RBFOX1: variants seen among roughly 807,000 people sequenced by gnomAD.
RBFOX1 encodes RNA binding fox-1 homolog 1.
Under a neutral mutation model 57.7 loss-of-function variants are expected in RBFOX1, and 8 were observed. The ratio of observed to expected loss-of-function variants is 0.14; its 90% CI spans 0.08 to 0.25. The LOEUF (loss-of-function observed/expected upper bound fraction) is 0.25, where lower values mean the gene tolerates loss of function less well. Ranked by LOEUF, RBFOX1 falls within the 10% of genes least tolerant of loss-of-function variation. The probability of loss-of-function intolerance (pLI) is 1.00; values close to 1 mark genes in which losing one functional copy is unlikely to be tolerated. For missense variants in RBFOX1, 611 were observed against 548.5 expected, an observed-to-expected ratio of 1.11 and a Z score of -1.14; for synonymous variants, 326 against 222.4, an observed-to-expected ratio of 1.47 and a Z score of -4.15.
At chr16:6,250,131 C>A (rs1345705004) in intron 1 of RBFOX1, among the ~76,000 whole-genome samples, 1 of 152,124 alleles carries the variant, frequency 6.6e-6, no homozygotes, top group African/African-American at 2.4e-5. Context: ...TTCTCTTCAC[C>A]CTGCTTACCT....
chr16:5,814,931 G>A (rs1395442711), intron 3 of RBFOX1, among the ~76,000 whole-genome samples: 3 of 151,078 alleles, frequency 2.0e-5, no homozygotes, highest in African/African-American at 4.9e-5. Context: ...GCGAGACTCC[G>A]TCTCAAAAAG....
chr16:6,070,210 C>A (rs1292024643), intron 1 of RBFOX1, among the ~76,000 whole-genome samples: 1 of 152,058 alleles, frequency 6.6e-6, no homozygotes, highest in African/African-American at 2.4e-5. Flanking sequence ...TGCCATCATC[C>A]CTGGGGAGAT....
intron 3 of RBFOX1, among the ~76,000 whole-genome samples, chr16:6,989,588 G>A (rs529339913): frequency 1.3e-5 from 2 of 152,294 alleles, no homozygotes; most frequent in African/African-American, 2.4e-5. Context: ...CAGCTGTGGA[G>A]AATGCAACCA....
chr16:5,660,452 C>T (rs1398898530), intron 3 of RBFOX1, among the ~76,000 whole-genome samples: 2 of 152,142 alleles, frequency 1.3e-5, no homozygotes, highest in Non-Finnish European at 2.9e-5. Flanking sequence ...TTGTCTCAGA[C>T]CTGTGATTTC....
chr16:7,114,540 A>G (rs1260986351), intron 4 of RBFOX1, among the ~76,000 whole-genome samples: 2 of 152,208 alleles, frequency 1.3e-5, no homozygotes, highest in African/African-American at 2.4e-5. Context: ...TGAAAGTGAC[A>G]CCATGAGCCT....
At chr16:6,870,326 G>C (rs2060650784) in intron 3 of RBFOX1, among the ~76,000 whole-genome samples, 1 of 152,140 alleles carries the variant, frequency 6.6e-6, no homozygotes, top group South Asian at 2.1e-4. Context: ...ATTCAGCACT[G>C]CTAGGAAACA....
chr16:6,734,084 A>G (rs2069411007), intron 3 of RBFOX1, among the ~76,000 whole-genome samples: 1 of 152,176 alleles, frequency 6.6e-6, no homozygotes, highest in Non-Finnish European at 1.5e-5. Flanking sequence ...CTGCCTGGGT[A>G]TGAAATTCCA....
chr16:6,228,683 G>T (rs59809529), intron 1 of RBFOX1, among the ~76,000 whole-genome samples: 2 of 151,898 alleles, frequency 1.3e-5, no homozygotes, highest in Non-Finnish European at 1.5e-5. Context: ...GTTGTTGGTC[G>T]GGTACAAAAT....
chr16:7,515,060 G>C (rs2076057843), intron 4 of RBFOX1, among the ~76,000 whole-genome samples: 1 of 152,126 alleles, frequency 6.6e-6, no homozygotes, highest in African/African-American at 2.4e-5. Flanking sequence ...AGGTTGGGGA[G>C]GCAGAAACAG....
At chr16:7,474,770 G>C (rs975273152) in intron 4 of RBFOX1, among the ~76,000 whole-genome samples, 9 of 152,144 alleles carry the variant, frequency 5.9e-5, no homozygotes, top group African/African-American at 1.9e-4. Context: ...AGAATGTCTG[G>C]TGAGGATTAG....
chr16:6,404,122 C>T (rs770799645), intron 2 of RBFOX1, among the ~76,000 whole-genome samples: 1 of 151,910 alleles, frequency 6.6e-6, no homozygotes, highest in Non-Finnish European at 1.5e-5. Context: ...AACCACAGAT[C>T]GAAAAAATAT....
chr16:7,153,611 G>T (rs12709178), intron 4 of RBFOX1, among the ~76,000 whole-genome samples: 22,149 of 151,470 alleles, frequency 0.15, 1,882 homozygotes, highest in East Asian at 0.33. Flanking sequence ...ATGGTGGTGG[G>T]GGGAGGGGGG....
intron 2 of RBFOX1, among the ~76,000 whole-genome samples, chr16:6,436,205 G>A (rs2094228172): frequency 6.6e-6 from 1 of 151,992 alleles, no homozygotes; most frequent in African/African-American, 2.4e-5. Flanking sequence ...TGCTTTAAGG[G>A]TGATATTGAC....
chr16:7,672,402 G>A (rs955559399), intron 13 of RBFOX1, among the ~76,000 whole-genome samples: 4 of 152,122 alleles, frequency 2.6e-5, no homozygotes, highest in Admixed American at 1.3e-4. Flanking sequence ...AGTGAATTAC[G>A]AAAGTACTTT....
At chr16:6,013,486 T>C (rs2094974148) in intron 4 of RBFOX1, among the ~76,000 whole-genome samples, 1 of 152,090 alleles carries the variant, frequency 6.6e-6, no homozygotes, top group Non-Finnish European at 1.5e-5. Flanking sequence ...CATGAATCAT[T>C]GACATGATTC....
chr16:7,412,858 C>T (rs1292664596), intron 4 of RBFOX1, among the ~76,000 whole-genome samples: 6 of 152,024 alleles, frequency 3.9e-5, no homozygotes, highest in Non-Finnish European at 7.4e-5. Flanking sequence ...CTGGCTAACA[C>T]GGTGAAACCC....
At chr16:6,280,041 A>G (rs1342405977) in intron 1 of RBFOX1, among the ~76,000 whole-genome samples, 2 of 152,134 alleles carry the variant, frequency 1.3e-5, no homozygotes. Context: ...ATGAGCAGAA[A>G]AGATTAAAAC....
At chr16:6,462,261 T>C (rs1034182066) in intron 2 of RBFOX1, among the ~76,000 whole-genome samples, 1 of 152,204 alleles carries the variant, frequency 6.6e-6, no homozygotes, top group African/African-American at 2.4e-5. Flanking sequence ...AGAATTTCCA[T>C]TGACAGCCTG....
At chr16:7,052,537 A>G (rs543379032) in intron 4 of RBFOX1, among the ~76,000 whole-genome samples, 35 of 152,258 alleles carry the variant, frequency 2.3e-4, no homozygotes, top group Admixed American at 2.3e-3. Flanking sequence ...TTCTGGGAGA[A>G]TTTGTGTTAT....
Sources: gnomAD v4.1 joint callset for allele counts (sites outside exome capture counted in the v4.1 genomes callset) on GRCh38, gnomAD v4.1.1 for gene constraint, MANE v1.5 for transcripts, NCBI Gene and HGNC (gene_info 2026-07-23, HGNC 2026-07-21) for gene names.